AFAP1: variants seen among roughly 807,000 people sequenced by gnomAD.
The protein encoded by AFAP1 is actin filament-associated protein 1.
Under a neutral mutation model 93.9 loss-of-function variants are expected in AFAP1, and 75 were observed. The observed-to-expected ratio is 0.80, with a 90% CI of 0.66 to 0.97. The LOEUF is 0.97. Among genes scored for constraint, AFAP1 ranks in the 50% least tolerant of loss-of-function variants. AFAP1 has a pLI of 0.00. For missense variants in AFAP1, 1,201 were observed against 1,050.8 expected, an observed-to-expected ratio of 1.14 and a Z score of -1.98; for synonymous variants, 517 against 430.7, an observed-to-expected ratio of 1.20 and a Z score of -2.48.
At chr4:7,904,367 A>G (rs1437046782) in intron 1 of AFAP1, among the ~76,000 whole-genome samples, 1 of 152,122 alleles carries the variant, frequency 6.6e-6, no homozygotes, top group Non-Finnish European at 1.5e-5. Context: ...TCTCCATCAC[A>G]CTATCTATAT....
At chr4:7,930,046 A>G (rs1720977122) in intron 1 of AFAP1, among the ~76,000 whole-genome samples, 1 of 152,224 alleles carries the variant, frequency 6.6e-6, no homozygotes, top group Admixed American at 6.5e-5. Flanking sequence ...CAAGTTACTC[A>G]ATGCATCAAT....
intron 11 of AFAP1, among the ~76,000 whole-genome samples, chr4:7,789,935 A>G (rs1360476801): frequency 6.6e-6 from 1 of 152,200 alleles, no homozygotes; most frequent in Non-Finnish European, 1.5e-5. Context: ...TTTCAGGAAA[A>G]TATGTTTCGA....
rs573445251 is a variant in AFAP1, at chr4:7,789,632, C to T, written c.1413-3321G>A. ...TCCTCTTCATCCTCACCATCCCATC[C>T]GTGCATCTCCCCACACTCTGCACCA... On this transcript the variant is annotated intron_variant, in intron 11 of 17. Transcript: ENST00000420658. Among the ~76,000 whole-genome samples the T allele has an allele frequency of 1.9e-4, 27 of 143,926 alleles. 2 individuals carry two copies. The highest frequency in any genetic ancestry group is 2.1e-4 in the Admixed American group (3 of 14,432). 94.4% of individuals were successfully genotyped at this position (143,926 alleles called of 152,430 possible). A position where few individuals can be genotyped will look rare whatever the true frequency, so the allele number is the denominator to read the frequency against.
intron 4 of AFAP1, among the ~76,000 whole-genome samples, chr4:7,854,410 G>A (rs1429465199): frequency 6.6e-6 from 1 of 152,156 alleles, no homozygotes; most frequent in East Asian, 1.9e-4. Flanking sequence ...AGCTGGCCTG[G>A]CTTCTCCACA....
At chr4:7,915,599 G>C (rs1720046388) in intron 1 of AFAP1, among the ~76,000 whole-genome samples, 2 of 152,246 alleles carry the variant, frequency 1.3e-5, no homozygotes, top group South Asian at 4.1e-4. Context: ...GACAATCTGT[G>C]TTTAGTTCTA....
intron 8 of AFAP1, among the ~76,000 whole-genome samples, chr4:7,813,322 A>G (rs1353382558): frequency 6.6e-6 from 1 of 152,244 alleles, no homozygotes; most frequent in African/African-American, 2.4e-5. Context: ...TTTCTCCAGT[A>G]ACTAACGAGC....
intron 6 of AFAP1, among the ~76,000 whole-genome samples, chr4:7,833,499 T>C (rs555157527): frequency 6.6e-6 from 1 of 152,032 alleles, no homozygotes; most frequent in Non-Finnish European, 1.5e-5. Flanking sequence ...TAGTAGATGT[T>C]GGTGTGGATG....
intron 11 of AFAP1, among the ~76,000 whole-genome samples, chr4:7,790,434 A>G (rs534512463): frequency 6.6e-6 from 1 of 152,344 alleles, no homozygotes; most frequent in South Asian, 2.1e-4. Flanking sequence ...AGTCATTTAT[A>G]AAGTAAAAGC....
At position 7,874,308 on chromosome 4, in the gene AFAP1, T is replaced by G. The variant is rs115555943; in HGVS notation, c.-2-2228A>C. Among the ~76,000 whole-genome samples the G allele has an allele frequency of 5.8e-3, 878 of 151,480 alleles. 7 individuals are homozygous for G. The highest frequency in any genetic ancestry group is 0.019 in the African/African-American group (767 of 41,274). On this transcript the variant is annotated intron_variant, in intron 1 of 17. Coordinates refer to ENST00000420658, the MANE Select transcript of AFAP1 (RefSeq NM_001134647.2). ...GTCTACAATTTTCTGAAAAGGCTAC[T>G]GAAAAACTTCCCAACTACCTATCTG...
chr4:7,895,139 T>C (rs17770213), intron 1 of AFAP1, among the ~76,000 whole-genome samples: 50,017 of 152,178 alleles, frequency 0.33, 9,475 homozygotes, highest in Non-Finnish European at 0.44. Flanking sequence ...GATAGAACGA[T>C]CTGGACACAG....
chr4:7,834,531 A>C (rs1209695693), intron 6 of AFAP1, among the ~76,000 whole-genome samples: 1 of 152,238 alleles, frequency 6.6e-6, no homozygotes, highest in African/African-American at 2.4e-5. Context: ...ATTTTTTTCA[A>C]AAAAAAGCAA....
intron 9 of AFAP1, among the ~76,000 whole-genome samples, chr4:7,803,750 A>G (rs1241629012): frequency 1.3e-5 from 2 of 152,254 alleles, no homozygotes; most frequent in East Asian, 3.8e-4. Context: ...GCCACCAGAT[A>G]CTATGAATTT....
At chr4:7,888,964 T>C (rs1718283258) in intron 1 of AFAP1, among the ~76,000 whole-genome samples, 1 of 151,938 alleles carries the variant, frequency 6.6e-6, no homozygotes, top group South Asian at 2.1e-4. Flanking sequence ...CTAATGTTTG[T>C]ATTTTTTAGT....
intron 14 of AFAP1, chr4:7,777,671 G>A (rs1338429337): frequency 2.0e-5 from 3 of 152,154 alleles, no homozygotes; most frequent in South Asian, 2.1e-4. Context: ...AATCTCAGGT[G>A]CAAATCCCAA....
chr4:7,939,464 A>G lies in AFAP1; in HGVS notation c.-3+192T>C. 3.4e-6 allele frequency: 1 copy of G among 296,240 alleles called. No homozygotes were observed. The allele number at this position is 296,240 out of a possible 1,614,324, so 18.4% of individuals were successfully genotyped here. A position where few individuals can be genotyped will look rare whatever the true frequency, so the allele number is the denominator to read the frequency against. On this transcript the variant is annotated intron_variant, in intron 1 of 17. Coordinates refer to ENST00000420658, the MANE Select transcript of AFAP1 (RefSeq NM_001134647.2). The surrounding 1 kb of genome is among the most constrained non-coding windows in gnomAD (Gnocchi z 5.6). The stretch of plus-strand genomic sequence containing the variant: ...GCAGTGGGGACCGGCCCCCACCCGC[A>G]GGACGACCGGGACCCCCGCGCGGGC...
At position 7,768,875 on chromosome 4, in the gene AFAP1, G is replaced by A. The variant is rs1714995576; in HGVS notation, c.2387C>T (p.Pro796Leu). 3 of 1,607,676 alleles carry A rather than the reference G, an allele frequency of 1.9e-6. No homozygotes were observed. Among genetic ancestry groups the A allele is most frequent in the African/African-American group, 1.3e-5 (1 of 74,898 alleles). ...KKSQAAPGSSPCRGHVLRKAK... is the reference protein window; with the variant it reads ...KKSQAAPGSSLCRGHVLRKAK... ...CTTCCGCAGCACATGCCCTCGGCAGGGGGAGCTGCCCGGGGCAGCCTGGCT... is the reference window on the plus strand; with the variant it reads ...CTTCCGCAGCACATGCCCTCGGCAGAGGGAGCTGCCCGGGGCAGCCTGGCT... Residue 796 changes from proline to leucine, a missense_variant, in exon 17 of 18, where the codon CCC (proline) becomes CTC (leucine). Physicochemically the swap from Pro to Leu is moderately conservative, Grantham distance 98. Transcript: ENST00000420658.
At chr4:7,764,329 C>G (rs1001570798) in intron 17 of AFAP1, among the ~76,000 whole-genome samples, 3 of 151,758 alleles carry the variant, frequency 2.0e-5, no homozygotes, top group African/African-American at 7.3e-5. Context: ...TGGCGTGAGG[C>G]TAGGAGTTTG....
chr4:7,928,328 G>C (rs1025921957), intron 1 of AFAP1, among the ~76,000 whole-genome samples: 1 of 152,090 alleles, frequency 6.6e-6, no homozygotes, highest in African/African-American at 2.4e-5. Flanking sequence ...CTTTTTCTAA[G>C]CTCTTTCATT....
intron 4 of AFAP1, among the ~76,000 whole-genome samples, chr4:7,854,327 G>A (rs912606313): frequency 1.3e-5 from 2 of 152,172 alleles, no homozygotes; most frequent in East Asian, 3.9e-4. Context: ...GGCCCAGTCT[G>A]TGCCCCGACT....
Sources: gnomAD v4.1 joint callset for allele counts (sites outside exome capture counted in the v4.1 genomes callset) on GRCh38, gnomAD v4.1.1 for gene constraint, Gnocchi (gnomAD v3.1) non-coding constraint, MANE v1.5 for transcripts, NCBI Gene and HGNC (gene_info 2026-07-23, HGNC 2026-07-21) for gene names.